Variants in ZDHHC14 observed in about 807,000 individuals in gnomAD.
ZDHHC14 encodes zDHHC palmitoyltransferase 14.
A neutral mutation model predicts 47.7 loss-of-function variants in ZDHHC14; 16 were observed. That is an observed-to-expected ratio of 0.34 (90% CI 0.23 to 0.51). The LOEUF is 0.51. ZDHHC14 is among the 20% of genes least tolerant of loss of function. The pLI is 0.97. For synonymous variants in ZDHHC14, 293 were observed against 278.9 expected (o/e 1.05, Z -0.50); for missense variants, 515 against 662.5 (o/e 0.78, Z 2.44).
At chr6:157,526,971 T>A (rs772778330) in intron 1 of ZDHHC14, among the ~76,000 whole-genome samples, 1 of 152,132 alleles carries the variant, frequency 6.6e-6, no homozygotes, top group Non-Finnish European at 1.5e-5. Context: ...TGGGGCAGCA[T>A]CTTTAGCAGC....
intron 3 of ZDHHC14, among the ~76,000 whole-genome samples, chr6:157,598,769 A>G (rs1212231409): frequency 6.6e-6 from 1 of 152,242 alleles, no homozygotes; most frequent in Non-Finnish European, 1.5e-5. Context: ...GTATAAGTAT[A>G]ATAAATGTAT....
chr6:157,382,563 C>G (rs774105270), intron 1 of ZDHHC14, among the ~76,000 whole-genome samples: 1 of 152,176 alleles, frequency 6.6e-6, no homozygotes, highest in Non-Finnish European at 1.5e-5. Context: ...CCGCCGGTCC[C>G]TGATCCTTGG....
At position 157,653,525 on chromosome 6, in the gene ZDHHC14, C is replaced by T. The variant is rs142355940; in HGVS notation, c.966C>T (p.Ser322=). The T allele has an allele frequency of 7.1e-5, 115 of 1,613,540 alleles. No homozygotes were observed. The highest frequency in any genetic ancestry group is 9.2e-5 in the Non-Finnish European group (108 of 1,179,890). ...CVALCGPISP[S]LIDRRGYIQP... The stretch of plus-strand genomic sequence containing the variant: ...TGCTGTGTTTTCTTTTCTCTCGCAG[C>T]CTGATCGACAGAAGAGGGTACATCC... Residue 322 remains serine (S), a splice_region_variant and synonymous_variant, in exon 8 of 9, where the codon AGC becomes AGT. Transcript: ENST00000359775.
intron 1 of ZDHHC14, among the ~76,000 whole-genome samples, chr6:157,395,176 T>C (rs1249949480): frequency 6.6e-6 from 1 of 151,496 alleles, no homozygotes; most frequent in Non-Finnish European, 1.5e-5. Context: ...TATTTATTTT[T>C]TTAAGATAAG....
intron 2 of ZDHHC14, among the ~76,000 whole-genome samples, chr6:157,585,764 G>C (rs1562493025): frequency 6.6e-6 from 1 of 152,214 alleles, no homozygotes; most frequent in Non-Finnish European, 1.5e-5. Context: ...GGCCCTTTTT[G>C]GGGGTGCTAC....
chr6:157,642,065 G>C (rs1001229117), intron 5 of ZDHHC14, among the ~76,000 whole-genome samples: 2 of 151,252 alleles, frequency 1.3e-5, no homozygotes, highest in African/African-American at 4.9e-5. Context: ...TAGATAGATA[G>C]ATAGTTATCA....
chr6:157,586,255 G>T lies in ZDHHC14; in HGVS notation c.407-6733G>T, dbSNP rs556511852. Among the ~76,000 whole-genome samples, 1 of 152,222 alleles carries T rather than the reference G, an allele frequency of 6.6e-6. No individual in the cohort carries two copies. Among genetic ancestry groups the T allele is most frequent in the East Asian group, 1.9e-4 (1 of 5,178 alleles). On this transcript the variant is annotated intron_variant, in intron 2 of 8. Coordinates refer to ENST00000359775, the MANE Select transcript of ZDHHC14 (RefSeq NM_024630.3). This position sits in a 1 kb window ranked among gnomAD's most constrained non-coding sequence, Gnocchi z 4.6. ...GCTGGATAAATAAAACAAGGCAGGC[G>T]CAGTGAGAGCCCAAAGGAGGAAACA...
At chr6:157,480,261 T>TG (rs1477724361) in intron 1 of ZDHHC14, among the ~76,000 whole-genome samples, 3 of 147,614 alleles carry the variant, frequency 2.0e-5, no homozygotes, top group Non-Finnish European at 4.5e-5. Flanking sequence ...TGTTTTGGGT[T>TG]TTTTTTTTTT....
chr6:157,417,782 G>C (rs945277117), intron 1 of ZDHHC14, among the ~76,000 whole-genome samples: 3 of 152,016 alleles, frequency 2.0e-5, no homozygotes, highest in African/African-American at 7.2e-5. Flanking sequence ...GTGAAACCCC[G>C]TCTCTACTAA....
chr6:157,583,996 G>T (rs1011898042), intron 2 of ZDHHC14, among the ~76,000 whole-genome samples: 3 of 152,030 alleles, frequency 2.0e-5, no homozygotes, highest in Non-Finnish European at 4.4e-5. Context: ...TGGGTCCCAG[G>T]GGAGACAGCC....
chr6:157,612,126 C>G (rs1437159845), intron 3 of ZDHHC14, among the ~76,000 whole-genome samples: 2 of 152,232 alleles, frequency 1.3e-5, no homozygotes, highest in Non-Finnish European at 2.9e-5. Flanking sequence ...ACACCCTGCT[C>G]ACCTAATCCA....
Position 157,477,371 on chromosome 6 carries a change from C to G in ZDHHC14, c.246-65214C>G, listed in dbSNP as rs550040262. 7.5e-4 allele frequency among the ~76,000 whole-genome samples: 114 copies of G among 152,280 alleles called. 2 individuals are homozygous for G. Among genetic ancestry groups the G allele is most frequent in the African/African-American group, 2.3e-3 (97 of 41,572 alleles). On this transcript the variant is annotated intron_variant, in intron 1 of 8. Coordinates refer to ENST00000359775, the MANE Select transcript of ZDHHC14 (RefSeq NM_024630.3). ...CTCCAGGCTGGGTGACAGAGTGAGA[C>G]TCTGTCTCAAACAAAAAGCAAAACA... is the stretch of plus-strand genomic sequence containing the variant.
At chr6:157,567,541 C>T (rs550986787) in intron 2 of ZDHHC14, among the ~76,000 whole-genome samples, 23 of 152,238 alleles carry the variant, frequency 1.5e-4, no homozygotes, top group African/African-American at 4.8e-4. Flanking sequence ...ACCCGCCGGG[C>T]GCCGTGGCTT....
chr6:157,456,281 G>A lies in ZDHHC14; in HGVS notation c.245+74015G>A, dbSNP rs150622684. ...GTGTCCTGTTAGCCCTTCGATTTTA[G>A]CATTTTCGGTTGATTGGCCTGAAAA... On this transcript the variant is annotated intron_variant, in intron 1 of 8. Coordinates refer to ENST00000359775, the MANE Select transcript of ZDHHC14 (RefSeq NM_024630.3). Among the ~76,000 whole-genome samples the A allele has an allele frequency of 2.9e-3, 443 of 152,252 alleles. 5 individuals carry two copies. Among genetic ancestry groups the A allele is most frequent in the African/African-American group, 1.0e-2 (414 of 41,548 alleles).
At chr6:157,561,527 C>T (rs1238597058) in intron 2 of ZDHHC14, among the ~76,000 whole-genome samples, 4 of 152,250 alleles carry the variant, frequency 2.6e-5, no homozygotes, top group East Asian at 3.9e-4. Context: ...CCTGCTGTCC[C>T]GGCGCTCAGA....
At chr6:157,611,359 A>G (rs1253798501) in intron 3 of ZDHHC14, among the ~76,000 whole-genome samples, 1 of 152,200 alleles carries the variant, frequency 6.6e-6, no homozygotes, top group African/African-American at 2.4e-5. Context: ...TAATGCGTCT[A>G]ACGTAAATTT....
At chr6:157,552,491 C>T (rs1782273893) in intron 2 of ZDHHC14, among the ~76,000 whole-genome samples, 1 of 152,056 alleles carries the variant, frequency 6.6e-6, no homozygotes, top group Non-Finnish European at 1.5e-5. Context: ...GCTCTTTGTG[C>T]TTGGGAAGTG....
At chr6:157,612,648 GT>G (rs751491411) in intron 3 of ZDHHC14, among the ~76,000 whole-genome samples, 3 of 151,968 alleles carry the variant, frequency 2.0e-5, no homozygotes, top group Non-Finnish European at 2.9e-5. Context: ...TCTGCCCACA[GT>G]TGGGTAAGCT....
chr6:157,650,951 G>C (rs1253707588), intron 7 of ZDHHC14, among the ~76,000 whole-genome samples: 1 of 152,140 alleles, frequency 6.6e-6, no homozygotes, highest in Admixed American at 6.5e-5. Context: ...GCACCTGACT[G>C]AGAATTTCCT....
Sources: gnomAD v4.1 joint callset for allele counts (sites outside exome capture counted in the v4.1 genomes callset) on GRCh38, gnomAD v4.1.1 for gene constraint, Gnocchi (gnomAD v3.1) non-coding constraint, MANE v1.5 for transcripts, NCBI Gene and HGNC (gene_info 2026-07-23, HGNC 2026-07-21) for gene names.